The following ACTN2 variants were observed in gnomAD, a reference collection of about 807,000 sequenced individuals.
ACTN2 encodes actinin alpha 2.
In ACTN2, 39 loss-of-function variants were observed where a neutral mutation model predicts 113.8. The observed-to-expected ratio is 0.34, with a 90% confidence interval of 0.27 to 0.45. The LOEUF (loss-of-function observed/expected upper bound fraction) is 0.45. Ranked by LOEUF, ACTN2 falls within the 20% of genes least tolerant of loss-of-function variation. The pLI, the probability that ACTN2 is intolerant of heterozygous loss-of-function variation, is 1.00. For missense variants in ACTN2, 992 were observed against 1,177.9 expected (o/e 0.84, Z 2.31); for synonymous variants, 429 against 444.1 (o/e 0.97, Z 0.43).
At chr1:236,759,193 A>T (rs1372014597) in intron 18 of ACTN2, among the ~76,000 whole-genome samples, 1 of 152,220 alleles carries the variant, frequency 6.6e-6, no homozygotes. Context: ...ACGTATCTGC[A>T]TTCATTAAAG....
At position 236,747,712 on chromosome 1, in the gene ACTN2, G is replaced by C. The variant is rs200529923; in HGVS notation, c.1452G>C (p.Gln484His). The C allele has an allele frequency of 1.0e-4, 167 of 1,614,222 alleles. 1 individual carries two copies. The South Asian group carries it at 1.8e-3, about 17-fold the overall frequency. ...CTGTGAATGTCAATGATCGGTGCCAGAAAATTTGTGACCAGTGGGACCGAC... is the reference window on the plus strand; with the variant it reads ...CTGTGAATGTCAATGATCGGTGCCACAAAATTTGTGACCAGTGGGACCGAC... ...HDAVNVNDRC[Q>H]KICDQWDRLG... Residue 484 changes from glutamine to histidine, a missense_variant, in exon 13 of 21, where the codon CAG becomes CAC. By Grantham distance (24) the Gln-to-His change is conservative. Coordinates refer to ENST00000366578, the MANE Select transcript of ACTN2 (RefSeq NM_001103.4).
chr1:236,739,224 G>A, intron 9 of ACTN2, 78 bp from the exon 10 acceptor site: 1 of 1,367,644 alleles, frequency 7.3e-7, no homozygotes, highest in African/African-American at 1.4e-5. Context: ...CAAATTATTG[G>A]ATGCCTCATT....
chr1:236,753,982 G>A lies in ACTN2; in HGVS notation c.1875G>A (p.Leu625=), dbSNP rs1227307789. The A allele has an allele frequency of 6.2e-7, 1 of 1,614,038 alleles. No homozygotes were observed. Among genetic ancestry groups the A allele is most frequent in the Non-Finnish European group, 8.5e-7 (1 of 1,180,016 alleles). ...KQLVPIRDQS[L]QEELARQHAN... ...TCGTGCCCATCCGCGATCAATCCCT[G>A]CAGGAGGAGCTGGCTCGCCAGCATG... Residue 625 remains leucine (L), a synonymous_variant, in exon 16 of 21, where the codon CTG becomes CTA. Coordinates refer to ENST00000366578, the MANE Select transcript of ACTN2 (RefSeq NM_001103.4).
At chr1:236,735,337 C>G (rs1381523898) in intron 7 of ACTN2, among the ~76,000 whole-genome samples, 1 of 152,170 alleles carries the variant, frequency 6.6e-6, no homozygotes, top group African/African-American at 2.4e-5. Context: ...TGCAACAGAC[C>G]AGGTTTCCAT....
At position 236,739,420 on chromosome 1, in the gene ACTN2, C is replaced by A. The variant is rs1266618599; in HGVS notation, c.995C>A (p.Pro332Gln). 6.2e-7 allele frequency: 1 copy of A among 1,614,126 alleles called. No individual in the cohort carries two copies. The highest frequency in any genetic ancestry group is 8.5e-7 in the Non-Finnish European group (1 of 1,180,038). Residue 332 changes from proline to glutamine, a missense_variant, in exon 10 of 21, where the codon CCA becomes CAA. By Grantham distance (76) the Pro-to-Gln change is moderately conservative. Transcript: ENST00000366578. ...DFRDYRRKHK[P>Q]PKVQEKCQLE... ...CGGGATTACCGCCGGAAGCACAAGC[C>A]ACCCAAGGTGCAGGAGAAATGCCAG... is the stretch of plus-strand genomic sequence containing the variant.
In ACTN2 at chr1:236,686,575, C is replaced by T; in HGVS notation, c.-99C>T. 4 of 1,322,358 alleles carry T rather than the reference C, an allele frequency of 3.0e-6. No individual in the cohort carries two copies. The highest frequency in any genetic ancestry group is 3.9e-6 in the Non-Finnish European group (4 of 1,034,898). The allele number at this position is 1,322,358 out of a possible 1,614,324, so 81.9% of individuals were successfully genotyped here. A position where few individuals can be genotyped will look rare whatever the true frequency, so the allele number is the denominator to read the frequency against. The stretch of plus-strand genomic sequence containing the variant: ...GAGCCGCGCGAAGGTCACCCCGCGC[C>T]CGCCGCCCGCCGCCCGCCGCCTCCG... On this transcript the variant is annotated 5_prime_UTR_variant, in exon 1 of 21. Coordinates refer to ENST00000366578, the MANE Select transcript of ACTN2 (RefSeq NM_001103.4).
In ACTN2 at chr1:236,751,457, G is replaced by A. The variant is rs1163828517; in HGVS notation, c.1657-13G>A. ...AGCCACATTGTTTTTCTCCACTTGT[G>A]TCTCGGGTGTAGAGTCTGATCACTG... On this transcript the variant is annotated splice_polypyrimidine_tract_variant and intron_variant, in intron 14 of 20. Transcript: ENST00000366578. 1 of 1,613,878 alleles carries A rather than the reference G, an allele frequency of 6.2e-7. No individual in the cohort carries two copies. Among genetic ancestry groups the A allele is most frequent in the Admixed American group, 1.7e-5 (1 of 60,006 alleles).
rs202204431 is a variant in ACTN2, at chr1:236,761,071, C to T, written c.2424C>T (p.Thr808=). 16 of 1,614,106 alleles carry T rather than the reference C, an allele frequency of 9.9e-6. No homozygotes were observed. Among genetic ancestry groups the T allele is most frequent in the African/African-American group, 1.3e-5 (1 of 75,006 alleles). ...MTLVDPNGQG[T]VTFQSFIDFM... ...TGGTAGATCCCAACGGGCAAGGCAC[C>T]GTCACCTTCCAATCCTTCATCGACT... Residue 808 remains threonine, a synonymous_variant, in exon 20 of 21, where the codon ACC becomes ACT. Transcript: ENST00000366578.
intron 1 of ACTN2, among the ~76,000 whole-genome samples, chr1:236,698,876 A>G (rs1657595487): frequency 6.6e-6 from 1 of 152,222 alleles, no homozygotes; most frequent in Admixed American, 6.5e-5. Context: ...CTTCACAACC[A>G]TCTTGAAAGG....
chr1:236,746,671 C>T (rs1001975318), intron 12 of ACTN2, among the ~76,000 whole-genome samples: 48 of 150,826 alleles, frequency 3.2e-4, no homozygotes, highest in African/African-American at 1.1e-3. Flanking sequence ...ACCCCCACTG[C>T]ACTCCAGCTT....
Position 236,686,699 on chromosome 1 carries a change from A to G in ACTN2, c.26A>G (p.Gln9Arg), listed in dbSNP as rs121434525. The G allele has an allele frequency of 1.1e-3, 1,747 of 1,565,058 alleles. 5 individuals are homozygous for G. Among genetic ancestry groups the G allele is most frequent in the Non-Finnish European group, 1.3e-3 (1,559 of 1,155,614 alleles). The stretch of plus-strand genomic sequence containing the variant: ...ATGAACCAGATAGAGCCCGGCGTGC[A>G]GTACAACTACGTGTACGACGAGGAT... MNQIEPGV[Q>R]YNYVYDEDEY... Residue 9 changes from glutamine to arginine, a missense_variant, in exon 1 of 21, where the codon CAG becomes CGG. Around this residue, in one of 3 missense-constraint regions of ACTN2, gnomAD observed 36 missense variants for 25.0 expected, o/e 1.44. Transcript: ENST00000366578.
intron 1 of ACTN2, among the ~76,000 whole-genome samples, chr1:236,703,433 C>CTTTTTTT (rs35432183): frequency 4.0e-4 from 40 of 98,816 alleles, no homozygotes; most frequent in East Asian, 5.9e-4. Context: ...GGCCTACTAC[C>CTTTTTTT]TTTTTTTTTT....
intron 1 of ACTN2, among the ~76,000 whole-genome samples, chr1:236,695,086 G>T (rs955023063): frequency 3.3e-5 from 5 of 151,810 alleles, no homozygotes; most frequent in Non-Finnish European, 7.4e-5. Flanking sequence ...AAATGTTCAG[G>T]CCGGGCACAG....
intron 17 of ACTN2, among the ~76,000 whole-genome samples, chr1:236,757,128 C>T (rs4098462): frequency 3.0e-4 from 3 of 9,946 alleles, no homozygotes; most frequent in African/African-American, 2.5e-4. Context: ...CCGCTGCCAC[C>T]GTTAGAACCC....
intron 4 of ACTN2, among the ~76,000 whole-genome samples, chr1:236,721,016 T>G (rs2789357): frequency 0.73 from 32,968 of 44,952 alleles, 13,307 homozygotes; most frequent in South Asian, 0.79. Context: ...CTGGTTTTTG[T>G]TTTTTGTTTT....
At chr1:236,760,079 C>G (rs1232555023) in intron 19 of ACTN2, among the ~76,000 whole-genome samples, 1 of 152,178 alleles carries the variant, frequency 6.6e-6, no homozygotes, top group Non-Finnish European at 1.5e-5. Context: ...AACCTCTTCT[C>G]TACTAAAAAT....
At chr1:236,688,224 C>T (rs1233065182) in intron 1 of ACTN2, among the ~76,000 whole-genome samples, 1 of 151,690 alleles carries the variant, frequency 6.6e-6, no homozygotes, top group Non-Finnish European at 1.5e-5. Flanking sequence ...TTGATTACTG[C>T]ACTTTTCATG....
At chr1:236,708,171 G>A (rs1241908167) in intron 1 of ACTN2, among the ~76,000 whole-genome samples, 1 of 152,016 alleles carries the variant, frequency 6.6e-6, no homozygotes, top group African/African-American at 2.4e-5. Context: ...TTATCTAACA[G>A]GACCTTGGAG....
At chr1:236,733,430 A>C (rs1658769614) in intron 7 of ACTN2, among the ~76,000 whole-genome samples, 1 of 152,178 alleles carries the variant, frequency 6.6e-6, no homozygotes, top group South Asian at 2.1e-4. Flanking sequence ...GCAGATGTCC[A>C]TTCTGCTCAT....
Sources: gnomAD v4.1 joint callset for allele counts (sites outside exome capture counted in the v4.1 genomes callset) on GRCh38, gnomAD v4.1.1 for gene constraint, gnomAD v4.1.1 regional missense constraint, MANE v1.5 for transcripts, NCBI Gene and HGNC (gene_info 2026-07-23, HGNC 2026-07-21) for gene names.